KPNA7: variants seen among roughly 807,000 people sequenced by gnomAD.
KPNA7 encodes the protein karyopherin subunit alpha 7.
In KPNA7, 54 loss-of-function variants were observed where a neutral mutation model predicts 53.7. The observed-to-expected ratio is 1.01, with a 90% CI of 0.81 to 1.26. The LOEUF (loss-of-function observed/expected upper bound fraction) is 1.26. Among genes scored for constraint, KPNA7 ranks in the 50% most tolerant of loss-of-function variants. The pLI is 0.00. For missense variants in KPNA7, 640 were observed against 644.5 expected (o/e 0.99, Z 0.07); for synonymous variants, 276 against 259.3 (o/e 1.06, Z -0.62).
At chr7:99,147,661 G>A in the KPNA7 span, among the ~76,000 whole-genome samples, 1 of 152,112 alleles carries the variant, frequency 6.6e-6, no homozygotes. Context: ...TGTAGTGGCA[G>A]GCGCCTGTAA....
chr7:99,217,276 T>C (rs971104488), intron 1 of KPNA7, among the ~76,000 whole-genome samples: 3 of 152,226 alleles, frequency 2.0e-5, no homozygotes, highest in Non-Finnish European at 4.4e-5. Flanking sequence ...GGAGGGGATC[T>C]TGAACATGCC....
the KPNA7 span, among the ~76,000 whole-genome samples, chr7:99,167,017 T>C: frequency 0.012 from 1,786 of 152,334 alleles, 34 homozygotes; most frequent in African/African-American, 0.041. Flanking sequence ...AAATGTCACA[T>C]GTGTTTGGGA....
Position 99,193,200 on chromosome 7 carries a change from A to T in KPNA7, c.554-99T>A, listed in dbSNP as rs992100144. The T allele has an allele frequency of 4.1e-5, 28 of 678,774 alleles. No homozygotes were observed. The African/African-American group carries it at 5.1e-4, about 12-fold the overall frequency. The allele number at this position is 678,774 out of a possible 1,614,324, so 42.0% of individuals were successfully genotyped here. On this transcript the variant is annotated intron_variant, in intron 5 of 10. Transcript: ENST00000327442. ...GAGTGTGCAAAGGGCAAGAGACAAA[A>T]ACTCATTCCCGGGTTTAGCAAGTAG...
At chr7:99,199,874 C>T (rs979885949) in intron 3 of KPNA7, among the ~76,000 whole-genome samples, 1 of 152,060 alleles carries the variant, frequency 6.6e-6, no homozygotes, top group Non-Finnish European at 1.5e-5. Flanking sequence ...ATTCTTACAA[C>T]TCAATAAAAA....
At chr7:99,150,819 G>A in the KPNA7 span, among the ~76,000 whole-genome samples, 1,786 of 152,212 alleles carry the variant, frequency 0.012, 34 homozygotes, top group African/African-American at 0.041. Flanking sequence ...TTCTCTAGTC[G>A]TACAGTTGTG....
At chr7:99,190,198 G>A (rs12705032) in intron 6 of KPNA7, among the ~76,000 whole-genome samples, 9,591 of 151,916 alleles carry the variant, frequency 0.063, 411 homozygotes, top group South Asian at 0.15. Flanking sequence ...TTAGCCAGGC[G>A]GGGTGGCATG....
intron 2 of KPNA7, among the ~76,000 whole-genome samples, chr7:99,206,211 A>G (rs566447877): frequency 2.0e-5 from 3 of 152,212 alleles, no homozygotes; most frequent in African/African-American, 7.2e-5. Context: ...GCCTGGATGG[A>G]GTGCAGTGGC....
intron 1 of KPNA7, among the ~76,000 whole-genome samples, chr7:99,218,341 A>C (rs1211830270): frequency 6.6e-6 from 1 of 151,870 alleles, no homozygotes; most frequent in Non-Finnish European, 1.5e-5. Context: ...TTTGTTGCCC[A>C]GGCTGGTCTC....
At chr7:99,200,883 G>A (rs1563085168) in intron 3 of KPNA7, among the ~76,000 whole-genome samples, 1 of 151,860 alleles carries the variant, frequency 6.6e-6, no homozygotes, top group Non-Finnish European at 1.5e-5. Context: ...CAGGAGAATG[G>A]CTTGATCCCG....
chr7:99,161,345 G>A, the KPNA7 span, among the ~76,000 whole-genome samples: 11 of 152,052 alleles, frequency 7.2e-5, no homozygotes, highest in African/African-American at 2.2e-4. Context: ...CCTGTGTAGC[G>A]TAGAACTGAA....
chr7:99,175,829 C>G (rs2150695496), intron 10 of KPNA7, among the ~76,000 whole-genome samples: 1 of 151,990 alleles, frequency 6.6e-6, no homozygotes, highest in Non-Finnish European at 1.5e-5. Context: ...TCATCTTGGT[C>G]CCAAATCAAG....
At chr7:99,154,126 C>T in the KPNA7 span, among the ~76,000 whole-genome samples, 1 of 151,360 alleles carries the variant, frequency 6.6e-6, no homozygotes, top group Non-Finnish European at 1.5e-5. Context: ...ATGAGAATAG[C>T]TCACACACTT....
upstream of KPNA7, among the ~76,000 whole-genome samples, chr7:99,212,313 C>T (rs1486935012): frequency 7.3e-6 from 1 of 137,852 alleles, no homozygotes; most frequent in African/African-American, 2.7e-5. Context: ...GGTGCGATCT[C>T]AGCTCACTGC....
chr7:99,179,369 C>T lies in KPNA7; in HGVS notation c.1318-1303G>A, dbSNP rs561000383. The stretch of plus-strand genomic sequence containing the variant: ...CCCAGGACTTTGAGACCAGTGTAGG[C>T]AACATAGCAAGACCCTGTCTCTGCT... On this transcript the variant is annotated intron_variant, in intron 9 of 10. Coordinates refer to ENST00000327442, the MANE Select transcript of KPNA7 (RefSeq NM_001145715.3). Among the ~76,000 whole-genome samples, 12 of 151,820 alleles carry T rather than the reference C, an allele frequency of 7.9e-5. No homozygotes were observed. In the East Asian group the frequency reaches 2.3e-3, roughly 30 times the overall value.
upstream of KPNA7, among the ~76,000 whole-genome samples, chr7:99,210,138 C>T (rs926064244): frequency 1.3e-5 from 2 of 152,208 alleles, no homozygotes; most frequent in African/African-American, 4.8e-5. Flanking sequence ...GCCCACTTCA[C>T]CTCCAACAAC....
At chr7:99,215,294 C>T (rs1791186773) in intron 1 of KPNA7, among the ~76,000 whole-genome samples, 1 of 145,592 alleles carries the variant, frequency 6.9e-6, no homozygotes, top group African/African-American at 2.6e-5. Flanking sequence ...ATCGCTTGAA[C>T]CCGGGAGGCA....
intron 10 of KPNA7, among the ~76,000 whole-genome samples, chr7:99,176,711 C>T (rs1419332415): frequency 6.6e-6 from 1 of 151,638 alleles, no homozygotes; most frequent in Non-Finnish European, 1.5e-5. Context: ...CCCATCTCTA[C>T]AAAAAAAATA....
chr7:99,158,503 T>TTTA, the KPNA7 span, among the ~76,000 whole-genome samples: 4 of 152,036 alleles, frequency 2.6e-5, no homozygotes, highest in African/African-American at 4.8e-5. Context: ...GTACTATCTT[T>TTTA]TTATTATTAT....
chr7:99,210,729 C>G (rs976113209), upstream of KPNA7, among the ~76,000 whole-genome samples: 2 of 151,948 alleles, frequency 1.3e-5, no homozygotes, highest in African/African-American at 4.8e-5. Context: ...GCTAGGACTA[C>G]AGGCACAAGT....
Sources: allele counts gnomAD v4.1 joint callset (sites outside exome capture counted in the v4.1 genomes callset), GRCh38; gene constraint gnomAD v4.1.1; transcripts MANE v1.5; gene names NCBI Gene and HGNC (gene_info 2026-07-23, HGNC 2026-07-21).